The following AGPAT3 variants were observed in gnomAD, a reference collection of about 807,000 sequenced individuals.
AGPAT3 encodes 1-acyl-sn-glycerol-3-phosphate acyltransferase gamma.
A neutral mutation model predicts 47.3 loss-of-function variants in AGPAT3; 5 were observed. The observed-to-expected ratio is 0.11, with a 90% CI of 0.06 to 0.22. The LOEUF (loss-of-function observed/expected upper bound fraction) is 0.22, where lower values mean the gene tolerates loss of function less well. Among genes scored for constraint, AGPAT3 ranks in the 10% least tolerant of loss-of-function variants. The pLI is 1.00. For missense variants in AGPAT3, 315 were observed against 493.0 expected (o/e 0.64, Z 3.42); for synonymous variants, 212 against 208.3 (o/e 1.02, Z -0.15).
intron 2 of AGPAT3, chr21:43,925,084 T>C (rs1391803070): frequency 5.9e-5 from 9 of 152,244 alleles, no homozygotes. Context: ...TCTTGGTCAG[T>C]GTCTCTGTGA....
chr21:43,969,306 C>T (rs1365200392), intron 5 of AGPAT3, 27 bp downstream of exon 5: 3 of 1,611,164 alleles, frequency 1.9e-6, no homozygotes, highest in Non-Finnish European at 2.5e-6. Flanking sequence ...GCCCGATACC[C>T]TGCATGCCTG....
Position 43,978,152 on chromosome 21 carries a change from C to T in AGPAT3, c.843+31C>T, listed in dbSNP as rs758135046. 3.5e-5 allele frequency: 56 copies of T among 1,600,700 alleles called. No individual in the cohort carries two copies. The Middle Eastern group carries it at 7.2e-4, about 20-fold the overall frequency. ...CAGGCTCTGCTCCCGCTCAGGGTCC[C>T]GGTCTCCTGAAGAGGCTGTGGAAGG... On this transcript the variant is annotated intron_variant, in intron 8 of 9. Coordinates refer to ENST00000291572, the MANE Select transcript of AGPAT3 (RefSeq NM_020132.5).
chr21:43,881,991 T>C (rs1305268544), intron 1 of AGPAT3, among the ~76,000 whole-genome samples: 1 of 152,260 alleles, frequency 6.6e-6, no homozygotes, highest in Non-Finnish European at 1.5e-5. Flanking sequence ...TTCTTTTTAC[T>C]TTTGAATGTG....
chr21:43,918,872 C>T (rs1159569371), intron 2 of AGPAT3, among the ~76,000 whole-genome samples: 2 of 152,184 alleles, frequency 1.3e-5, no homozygotes, highest in East Asian at 1.9e-4. Flanking sequence ...CTACCCCTGC[C>T]GGCTGACAGC....
chr21:43,971,299 C>T (rs767282826), intron 6 of AGPAT3, 89 bp from the exon 7 acceptor site: 34 of 1,161,912 alleles, frequency 2.9e-5, no homozygotes, highest in Non-Finnish European at 3.8e-5. Context: ...AGGACGGGGC[C>T]GGGTCCCAGG....
chr21:43,901,729 C>T (rs917085023), intron 1 of AGPAT3, among the ~76,000 whole-genome samples: 1 of 152,076 alleles, frequency 6.6e-6, no homozygotes, highest in African/African-American at 2.4e-5. Flanking sequence ...GAGCCATGAT[C>T]ATACCATTGC....
At chr21:43,885,391 CTT>C (rs113393341) in intron 1 of AGPAT3, among the ~76,000 whole-genome samples, 23 of 139,704 alleles carry the variant, frequency 1.6e-4, no homozygotes, top group Admixed American at 1.4e-4. Context: ...TTTCTTTTTT[CTT>C]TTTTTTTTTT....
At position 43,932,491 on chromosome 21, in the gene AGPAT3, C is replaced by T. The variant is rs191522610; in HGVS notation, c.-48-27143C>T. Reference sequence around the variant, plus strand: ...AACACGGCGTTACGCACCGCACGCTCGCTATCCATTCGTCTGTTGGTGGGC... The same window carrying T: ...AACACGGCGTTACGCACCGCACGCTTGCTATCCATTCGTCTGTTGGTGGGC... On this transcript the variant is annotated intron_variant, in intron 2 of 9. Coordinates refer to ENST00000291572, the MANE Select transcript of AGPAT3 (RefSeq NM_020132.5). The surrounding 1 kb of genome is among the most constrained non-coding windows in gnomAD (Gnocchi z 5.2). Among the ~76,000 whole-genome samples, 11 of 152,330 alleles carry T rather than the reference C, an allele frequency of 7.2e-5. No homozygotes were observed. In the East Asian group the frequency reaches 1.5e-3, roughly 21 times the overall value.
chr21:43,946,820 C>T (rs1258408633), intron 2 of AGPAT3: 2 of 152,288 alleles, frequency 1.3e-5, no homozygotes, highest in Non-Finnish European at 2.9e-5. Flanking sequence ...AGTGTGGTCC[C>T]CACAAATCTG....
At chr21:43,978,186 C>T (rs189929741) in intron 8 of AGPAT3, 65 bp downstream of exon 8, 130 of 1,462,444 alleles carry the variant, frequency 8.9e-5, no homozygotes, top group Middle Eastern at 8.7e-4. Flanking sequence ...GGGGTGCTGG[C>T]GAGCAGGCAG....
At chr21:43,967,907 G>A (rs1488325602) in intron 3 of AGPAT3, 39 bp from the exon 4 acceptor site, 1 of 1,596,554 alleles carries the variant, frequency 6.3e-7, no homozygotes, top group African/African-American at 1.3e-5. Context: ...CCCAGGAGGA[G>A]GGGTCCTACC....
At chr21:43,958,547 G>C (rs984194583) in intron 2 of AGPAT3, among the ~76,000 whole-genome samples, 4 of 151,428 alleles carry the variant, frequency 2.6e-5, no homozygotes, top group African/African-American at 9.7e-5. Flanking sequence ...GGTGTGGTTT[G>C]TGGTGTGTGT....
chr21:43,907,984 C>T (rs1339922316), intron 2 of AGPAT3, among the ~76,000 whole-genome samples: 1 of 152,222 alleles, frequency 6.6e-6, no homozygotes, highest in Non-Finnish European at 1.5e-5. Context: ...TCCCCACCCT[C>T]GTGGAAGCAT....
chr21:43,976,597 G>A (rs73906694), intron 7 of AGPAT3, among the ~76,000 whole-genome samples: 7,556 of 152,186 alleles, frequency 0.05, 528 homozygotes, highest in African/African-American at 0.15. Context: ...GTACATTCAC[G>A]TTCTAAGAAA....
chr21:43,918,898 T>G (rs2086824083), intron 2 of AGPAT3, among the ~76,000 whole-genome samples: 1 of 152,226 alleles, frequency 6.6e-6, no homozygotes, highest in Non-Finnish European at 1.5e-5. Context: ...TTTTAAATGC[T>G]GTTTATACTT....
intron 1 of AGPAT3, among the ~76,000 whole-genome samples, chr21:43,895,611 T>A (rs936330341): frequency 2.6e-5 from 4 of 151,440 alleles, no homozygotes; most frequent in African/African-American, 9.7e-5. Flanking sequence ...AATTTTTTTT[T>A]GAGAGAGTCT....
intron 2 of AGPAT3, among the ~76,000 whole-genome samples, chr21:43,910,383 A>G (rs1367433556): frequency 6.6e-6 from 1 of 152,180 alleles, no homozygotes; most frequent in East Asian, 1.9e-4. Flanking sequence ...CTAGGGTCCT[A>G]ATACAGTGAG....
At chr21:43,876,953 G>A (rs967287020) in intron 1 of AGPAT3, among the ~76,000 whole-genome samples, 1 of 151,892 alleles carries the variant, frequency 6.6e-6, no homozygotes, top group Non-Finnish European at 1.5e-5. Context: ...CCGCCTCCAG[G>A]GCTCAAGTGA....
At chr21:43,898,801 A>G (rs957396912) in intron 1 of AGPAT3, among the ~76,000 whole-genome samples, 1 of 152,202 alleles carries the variant, frequency 6.6e-6, no homozygotes, top group Non-Finnish European at 1.5e-5. Flanking sequence ...TGCTGGTATT[A>G]CAGGCGTGAG....
Sources: gnomAD v4.1 joint callset for allele counts (sites outside exome capture counted in the v4.1 genomes callset) on GRCh38, gnomAD v4.1.1 for gene constraint, Gnocchi (gnomAD v3.1) non-coding constraint, MANE v1.5 for transcripts, NCBI Gene and HGNC (gene_info 2026-07-23, HGNC 2026-07-21) for gene names.